MKLN1: variants seen among roughly 807,000 people sequenced by gnomAD.
MKLN1 encodes the protein muskelin 1.
In MKLN1, 18 loss-of-function variants were observed where a neutral mutation model predicts 99.0. The ratio of observed to expected loss-of-function variants is 0.18; its 90% CI spans 0.13 to 0.27. The LOEUF (loss-of-function observed/expected upper bound fraction) is 0.27. MKLN1 is among the 10% of genes least tolerant of loss of function. MKLN1 has a pLI of 1.00. For missense variants in MKLN1, 621 were observed against 875.9 expected, an observed-to-expected ratio of 0.71 and a Z score of 3.67; for synonymous variants, 288 against 293.2, an observed-to-expected ratio of 0.98 and a Z score of 0.18.
At chr7:131,300,856 G>T (rs1798368184) in intron 3 of MKLN1, among the ~76,000 whole-genome samples, 1 of 152,176 alleles carries the variant, frequency 6.6e-6, no homozygotes, top group Non-Finnish European at 1.5e-5. Flanking sequence ...GATGGATACG[G>T]TGGGAAGGCA....
chr7:131,255,086 G>T (rs750204625), intron 3 of MKLN1, among the ~76,000 whole-genome samples: 1 of 151,950 alleles, frequency 6.6e-6, no homozygotes, highest in Non-Finnish European at 1.5e-5. Context: ...TAGAGACAGG[G>T]TCTATGTTTC....
At position 131,492,227 on chromosome 7, in the gene MKLN1, AT is replaced by A. The variant is rs1407298440; in HGVS notation, c.*4505del. On this transcript the variant is annotated 3_prime_UTR_variant, in exon 18 of 18. Transcript: ENST00000352689. ...ACCTTTTGTCTTTTCTTTTTATTGT[AT>A]TTTTTAACCTTTTTGTTTCTATTCC... 6.6e-6 allele frequency: 1 copy of A among 151,988 alleles called. No individual in the cohort carries two copies. The highest frequency in any genetic ancestry group is 2.4e-5 in the African/African-American group (1 of 41,380). 9.4% of individuals were successfully genotyped at this position (151,988 alleles called of 1,614,324 possible). A position where few individuals can be genotyped will look rare whatever the true frequency, so the allele number is the denominator to read the frequency against.
rs149350742 is a variant in MKLN1 at position 131,274,177 on chromosome 7, C to T, written c.-179+71203C>T. Among the ~76,000 whole-genome samples the T allele has an allele frequency of 1.8e-3, 277 of 152,086 alleles. 1 individual carries two copies. In the Middle Eastern group the frequency reaches 0.024, roughly 13 times the overall value. On this transcript the variant is annotated intron_variant, in intron 3 of 7. Coordinates refer to the MKLN1 transcript ENST00000416992. ...GGGGTGCTGAAACATAAGTTGGGGA[C>T]GGGGGAGGTCGTTTGTTCAAAGTCT...
In MKLN1 at chr7:131,487,918, T is replaced by C. The variant is rs963949239; in HGVS notation, c.*190T>C. The C allele has an allele frequency of 7.6e-6, 3 of 393,296 alleles. No individual in the cohort carries two copies. Among genetic ancestry groups the C allele is most frequent in the Non-Finnish European group, 1.3e-5 (3 of 228,852 alleles). 24.4% of individuals were successfully genotyped at this position (393,296 alleles called of 1,614,324 possible). A position where few individuals can be genotyped will look rare whatever the true frequency, so the allele number is the denominator to read the frequency against. On this transcript the variant is annotated 3_prime_UTR_variant, in exon 18 of 18. Coordinates refer to ENST00000352689, the MANE Select transcript of MKLN1 (RefSeq NM_013255.5). The surrounding 1 kb of genome is among the most constrained non-coding windows in gnomAD (Gnocchi z 4.7). ...CCTCAACCCCGCTCTCCTCATCCTA[T>C]TCCTAAATTAGGCTAATAAAGTGAA...
At chr7:131,206,530 G>GTGTTATTATTATTATTAT (rs754090884) in intron 3 of MKLN1, among the ~76,000 whole-genome samples, 1 of 144,754 alleles carries the variant, frequency 6.9e-6, no homozygotes, top group African/African-American at 2.6e-5. Flanking sequence ...GTATGTATGT[G>GTGTTATTATTATTATTAT]TATAATTATT....
chr7:131,249,318 C>A (rs1486978870), intron 3 of MKLN1, among the ~76,000 whole-genome samples: 3 of 152,190 alleles, frequency 2.0e-5, no homozygotes, highest in Non-Finnish European at 4.4e-5. Context: ...GAAGTGCCCT[C>A]CAGGATGGAG....
At chr7:131,397,658 T>A (rs1358578697) in intron 5 of MKLN1, among the ~76,000 whole-genome samples, 2 of 152,192 alleles carry the variant, frequency 1.3e-5, no homozygotes, top group East Asian at 1.9e-4. Flanking sequence ...CACACAATTG[T>A]AAAGTGTTTG....
intron 8 of MKLN1, among the ~76,000 whole-genome samples, chr7:131,418,351 A>G (rs1795085527): frequency 6.6e-6 from 1 of 150,414 alleles, no homozygotes; most frequent in Middle Eastern, 3.4e-3. Flanking sequence ...CCTGGGAGAC[A>G]AGAGCAAGAC....
intron 3 of MKLN1, among the ~76,000 whole-genome samples, chr7:131,235,922 A>G (rs935346781): frequency 6.6e-6 from 1 of 152,210 alleles, no homozygotes; most frequent in East Asian, 1.9e-4. Context: ...CTTGGAAACC[A>G]ATGCATCATC....
At chr7:131,311,492 C>T (rs1563287821) in intron 3 of MKLN1, among the ~76,000 whole-genome samples, 1 of 152,122 alleles carries the variant, frequency 6.6e-6, no homozygotes, top group Non-Finnish European at 1.5e-5. Context: ...AAGTTAAACA[C>T]CATTATTTCT....
intron 1 of MKLN1, among the ~76,000 whole-genome samples, chr7:131,372,440 T>C (rs1367362540): frequency 6.6e-6 from 1 of 152,100 alleles, no homozygotes; most frequent in Non-Finnish European, 1.5e-5. Flanking sequence ...TTGAGAATTA[T>C]ATTAATAACT....
Position 131,420,322 on chromosome 7 carries a change from G to A in MKLN1, c.847+5612G>A, listed in dbSNP as rs140135157. On this transcript the variant is annotated intron_variant, in intron 8 of 17. Coordinates refer to ENST00000352689, the MANE Select transcript of MKLN1 (RefSeq NM_013255.5). ...GCACATGGTGGCAGGGAGAGAGAGAGAAACTAGAAAAAAAAAGGTATCATA... is the reference window on the plus strand; with the variant it reads ...GCACATGGTGGCAGGGAGAGAGAGAAAAACTAGAAAAAAAAAGGTATCATA... 2.8e-3 allele frequency among the ~76,000 whole-genome samples: 427 copies of A among 151,506 alleles called. 3 individuals carry two copies. Among genetic ancestry groups the A allele is most frequent in the Middle Eastern group, 0.01 (3 of 292 alleles).
chr7:131,134,286 A>C (rs912005701), intron 1 of MKLN1, among the ~76,000 whole-genome samples: 3 of 151,908 alleles, frequency 2.0e-5, no homozygotes, highest in African/African-American at 7.3e-5. Flanking sequence ...TCCCACTCTC[A>C]TGCCCCATCT....
At chr7:131,170,225 C>T (rs1796197063) in intron 2 of MKLN1, among the ~76,000 whole-genome samples, 1 of 152,118 alleles carries the variant, frequency 6.6e-6, no homozygotes. Flanking sequence ...GCATACTGCA[C>T]TAAATTATCT....
rs1370794646 is a variant in MKLN1 at position 131,173,976 on chromosome 7, T to C, written c.-296-28881T>C. 1.9e-4 allele frequency among the ~76,000 whole-genome samples: 27 copies of C among 144,036 alleles called. No individual in the cohort carries two copies. The East Asian group carries it at 3.7e-3, about 20-fold the overall frequency. The allele number at this position is 144,036 out of a possible 152,430, so 94.5% of individuals were successfully genotyped here. ...AGTTTAAAGACCTTTTTCTTTTTCT[T>C]TTTTTTTTTTTTTTGAGACGGGAGT... is the stretch of plus-strand genomic sequence containing the variant. On this transcript the variant is annotated intron_variant, in intron 2 of 7. Coordinates refer to the MKLN1 transcript ENST00000416992.
At chr7:131,293,925 C>G (rs1798255456) in intron 3 of MKLN1, among the ~76,000 whole-genome samples, 1 of 152,016 alleles carries the variant, frequency 6.6e-6, no homozygotes, top group Non-Finnish European at 1.5e-5. Context: ...ACATTTGGGA[C>G]TAGGTCATTC....
At chr7:131,457,097 G>T (rs1028213846) in intron 12 of MKLN1, among the ~76,000 whole-genome samples, 2 of 151,688 alleles carry the variant, frequency 1.3e-5, no homozygotes, top group African/African-American at 4.8e-5. Context: ...GACCAACATG[G>T]AGAAACCCCG....
chr7:131,311,109 A>G (rs1251580731), intron 3 of MKLN1: 1 of 152,084 alleles, frequency 6.6e-6, no homozygotes, highest in African/African-American at 2.4e-5. Context: ...AATCTAAGGA[A>G]CACATCAGTT....
chr7:131,419,899 G>T (rs1203903813), intron 8 of MKLN1, among the ~76,000 whole-genome samples: 2 of 152,086 alleles, frequency 1.3e-5, no homozygotes, highest in Non-Finnish European at 2.9e-5. Context: ...GCCATTGTTG[G>T]GTTTAAGAAA....
Sources: gnomAD v4.1 joint callset for allele counts (sites outside exome capture counted in the v4.1 genomes callset) on GRCh38, gnomAD v4.1.1 for gene constraint, Gnocchi (gnomAD v3.1) non-coding constraint, MANE v1.5 for transcripts, NCBI Gene and HGNC (gene_info 2026-07-23, HGNC 2026-07-21) for gene names.